Variants in DDX55 observed in about 807,000 individuals in gnomAD.
DDX55 encodes the protein ATP-dependent RNA helicase DDX55.
DDX55 carries 56 observed loss-of-function variants against 69.2 expected under a neutral mutation model. The observed-to-expected ratio is 0.81, with a 90% CI of 0.65 to 1.01. The LOEUF (loss-of-function observed/expected upper bound fraction) is 1.01. DDX55 is among the 50% of genes least tolerant of loss of function. The probability of loss-of-function intolerance (pLI) is 0.00; values close to 1 mark genes in which losing one functional copy is unlikely to be tolerated. For synonymous variants in DDX55, 268 were observed against 273.1 expected (o/e 0.98, Z 0.18); for missense variants, 720 against 745.1 (o/e 0.97, Z 0.39).
chr12:123,607,631 G>C lies in DDX55; in HGVS notation c.370G>C (p.Gly124Arg). 6.2e-7 allele frequency: 1 copy of C among 1,614,148 alleles called. No homozygotes were observed. The highest frequency in any genetic ancestry group is 8.5e-7 in the Non-Finnish European group (1 of 1,180,034). ...QILWIGGRNP[G>R]EDVERFKQQG... ...TCTTTGGATCGGAGGCAGGAATCCT[G>C]GAGAAGATGTTGAGAGGTTTAAGCA... Residue 124 changes from glycine to arginine, a missense_variant, in exon 5 of 14, where the codon GGA becomes CGA. By Grantham distance (125) the Gly-to-Arg change is moderately radical (BLOSUM62 -2). Transcript: ENST00000238146.
chr12:123,610,075 G>A lies in DDX55; in HGVS notation c.688G>A (p.Val230Met), dbSNP rs371757133. 135 of 1,614,090 alleles carry A rather than the reference G, an allele frequency of 8.4e-5. No homozygotes were observed. The highest frequency in any genetic ancestry group is 9.7e-5 in the Non-Finnish European group (115 of 1,180,058). ...PVRVSVKEKGVAASSAQKTPS... is the reference protein window; with the variant it reads ...PVRVSVKEKGMAASSAQKTPS... ...CCGGGTCTCAGTGAAGGAGAAGGGC[G>A]TGGCAGCCAGCAGTGCCCAGAAGAC... The change falls in exon 7 of 14, where the codon GTG becomes ATG. Residue 230 changes from valine to methionine, a missense_variant. Coordinates refer to ENST00000238146, the MANE Select transcript of DDX55 (RefSeq NM_020936.3).
chr12:123,602,358 C>T (rs1228078441), intron 1 of DDX55, 102 bp downstream of exon 1: 27 of 1,097,026 alleles, frequency 2.5e-5, no homozygotes, highest in African/African-American at 3.3e-5. Context: ...CCCTGGGGCG[C>T]TCATCCCTCC....
In DDX55 at chr12:123,602,238, G is replaced by A; in HGVS notation, c.90G>A (p.Pro30=). Residue 30 remains proline, a synonymous_variant, in exon 1 of 14, where the codon CCG becomes CCA. Coordinates refer to ENST00000238146, the MANE Select transcript of DDX55 (RefSeq NM_020936.3). ...GCGCGCTGCGGGAGCTGGGCTTCCC[G>A]TACATGACGCCGGTGCAGGTATCGG... is the stretch of plus-strand genomic sequence containing the variant. ...VLGALRELGF[P]YMTPVQSATI... The A allele has an allele frequency of 6.4e-7, 1 of 1,567,368 alleles. No individual in the cohort carries two copies. Among genetic ancestry groups the A allele is most frequent in the Non-Finnish European group, 8.6e-7 (1 of 1,159,108 alleles).
chr12:123,618,437 C>T (rs760390909), intron 11 of DDX55: 1 of 1,296,862 alleles, frequency 7.7e-7, no homozygotes, highest in East Asian at 2.5e-5. Flanking sequence ...CCAGTGTTGC[C>T]ATACTTTGCT....
At chr12:123,603,247 A>T (rs1281131206) in intron 1 of DDX55, among the ~76,000 whole-genome samples, 1 of 152,052 alleles carries the variant, frequency 6.6e-6, no homozygotes, top group East Asian at 1.9e-4. Context: ...TTAGGAGGCC[A>T]TTGTCAGGTA....
intron 7 of DDX55, among the ~76,000 whole-genome samples, chr12:123,611,126 C>T (rs1017775239): frequency 6.6e-6 from 1 of 151,828 alleles, no homozygotes; most frequent in African/African-American, 2.4e-5. Flanking sequence ...GTCTTGAACT[C>T]CTGACCTCAT....
chr12:123,615,377 A>G, intron 9 of DDX55, 61 bp downstream of exon 9: 5 of 1,595,958 alleles, frequency 3.1e-6, no homozygotes, highest in Non-Finnish European at 4.3e-6. Flanking sequence ...AGGTCCCCAA[A>G]TGCCCCATTC....
In DDX55 at chr12:123,606,176, T is replaced by C. The variant is rs1953879303; in HGVS notation, c.246+17T>C. The C allele has an allele frequency of 1.9e-6, 3 of 1,613,010 alleles. No individual in the cohort carries two copies. Among genetic ancestry groups the C allele is most frequent in the Non-Finnish European group, 2.5e-6 (3 of 1,179,726 alleles). On this transcript the variant is annotated intron_variant, in intron 3 of 13. Coordinates refer to ENST00000238146, the MANE Select transcript of DDX55 (RefSeq NM_020936.3). ...AAGAGTCAGGTGAGGACAACAAAAG[T>C]GATTTATTTTCACCTAGTCATCAGA...
chr12:123,618,755 G>A lies in DDX55; in HGVS notation c.1251G>A (p.Val417=). ...LKSMALADRA[V]FEKGMKAFVS... The stretch of plus-strand genomic sequence containing the variant: ...CCATGGCCCTGGCTGACAGAGCTGT[G>A]TTTGAAAAGGGCATGAAAGCTTTTG... The change falls in exon 12 of 14, where the codon GTG becomes GTA. Residue 417 remains valine (V), a synonymous_variant. Transcript: ENST00000238146. 6.2e-7 allele frequency: 1 copy of A among 1,614,178 alleles called. No homozygotes were observed. Among genetic ancestry groups the A allele is most frequent in the Non-Finnish European group, 8.5e-7 (1 of 1,180,036 alleles).
At chr12:123,612,795 T>C (rs1163986926) in intron 7 of DDX55, among the ~76,000 whole-genome samples, 1 of 148,694 alleles carries the variant, frequency 6.7e-6, no homozygotes, top group Non-Finnish European at 1.5e-5. Context: ...GATACCAGTC[T>C]GGGCAACATA....
At chr12:123,616,698 A>C in intron 10 of DDX55, 95 bp downstream of exon 10, 2 of 1,329,940 alleles carry the variant, frequency 1.5e-6, no homozygotes, top group Admixed American at 3.4e-5. Context: ...ATGTTCACTG[A>C]AACATTTTAT....
Position 123,613,271 on chromosome 12 carries a change from T to C in DDX55, c.824+19T>C. 1 of 1,612,476 alleles carries C rather than the reference T, an allele frequency of 6.2e-7. No individual in the cohort carries two copies. Among genetic ancestry groups the C allele is most frequent in the Non-Finnish European group, 8.5e-7 (1 of 1,178,628 alleles). ...TCTTCAGGTACTCCTCTGGTCTCTG[T>C]GGTAGAGGCATCAGGGATTCAGCCA... On this transcript the variant is annotated intron_variant, in intron 8 of 13. Coordinates refer to ENST00000238146, the MANE Select transcript of DDX55 (RefSeq NM_020936.3).
intron 6 of DDX55, among the ~76,000 whole-genome samples, chr12:123,609,444 G>A (rs1168008487): frequency 1.4e-5 from 2 of 146,256 alleles, no homozygotes; most frequent in Non-Finnish European, 3.0e-5. Flanking sequence ...GCATGATTTC[G>A]GGTCATTGCG....
rs779171387 is a variant in DDX55, at chr12:123,609,946, A to C, written c.559A>C (p.Thr187Pro). ...GAGCCCTCTTTTTATCAGCATCAAC[A>C]CCATTCTGGAGTTTTTGCCAAAGCA... is the stretch of plus-strand genomic sequence containing the variant. ...LDMGFEASIN[T>P]ILEFLPKQRR... is the part of the protein sequence containing the mutation. Residue 187 changes from threonine to proline, a missense_variant, in exon 7 of 14, where the codon ACC becomes CCC. Coordinates refer to ENST00000238146, the MANE Select transcript of DDX55 (RefSeq NM_020936.3). 3.7e-6 allele frequency: 6 copies of C among 1,613,300 alleles called. No individual in the cohort carries two copies. Among genetic ancestry groups the C allele is most frequent in the African/African-American group, 1.3e-5 (1 of 74,844 alleles).
Position 123,607,447 on chromosome 12 carries a change from A to G in DDX55, c.262A>G (p.Ile88Val). Reference sequence around the variant, plus strand: ...ATGTGGGTAGGTTGGAGCCATAATCATCACCCCCACTCGAGAGCTGGCCAT... The same window carrying G: ...ATGTGGGTAGGTTGGAGCCATAATCGTCACCCCCACTCGAGAGCTGGCCAT... ...LKKSQVGAII[I>V]TPTRELAIQI... is the part of the protein sequence containing the mutation. Residue 88 changes from isoleucine (I) to valine (V), a missense_variant, in exon 4 of 14, where the codon ATC becomes GTC. Transcript: ENST00000238146. 6.2e-7 allele frequency: 1 copy of G among 1,613,990 alleles called. No individual in the cohort carries two copies. The highest frequency in any genetic ancestry group is 1.1e-5 in the South Asian group (1 of 91,068).
chr12:123,614,084 T>C (rs1238111156), intron 8 of DDX55, among the ~76,000 whole-genome samples: 1 of 152,196 alleles, frequency 6.6e-6, no homozygotes, highest in African/African-American at 2.4e-5. Flanking sequence ...CAGTAAGAAG[T>C]ACAATTTGGT....
chr12:123,616,628 T>C (rs1255209291), intron 10 of DDX55, 25 bp downstream of exon 10: 1 of 1,604,864 alleles, frequency 6.2e-7, no homozygotes, highest in East Asian at 2.2e-5. Flanking sequence ...TGCCACCCAC[T>C]CTCTGTTGAG....
rs202175813 is a variant in DDX55 at position 123,608,848 on chromosome 12, C to T, written c.551+19C>T. On this transcript the variant is annotated intron_variant, in intron 6 of 13. Transcript: ENST00000238146. ...AGGCAAGGTACTGGACTTTGGACTT[C>T]ACTGGCTTGAGTGGGCAGATGATAC... The T allele has an allele frequency of 1.2e-6, 2 of 1,606,704 alleles. No homozygotes were observed. Among genetic ancestry groups the T allele is most frequent in the East Asian group, 2.2e-5 (1 of 44,758 alleles).
In DDX55 at chr12:123,620,131, TG is replaced by T. The variant is rs1390155247; in HGVS notation, c.1795del (p.Asp599ThrfsTer14). 3.1e-6 allele frequency: 5 copies of T among 1,613,688 alleles called. No individual in the cohort carries two copies. Among genetic ancestry groups the T allele is most frequent in the Non-Finnish European group, 4.2e-6 (5 of 1,179,822 alleles). On this transcript the variant is annotated frameshift_variant, in exon 14 of 14. Transcript: ENST00000238146. LOFTEE classifies it high-confidence loss of function. ...ATTTAGGGATCTCAGATTTGGAAGA[TG>T]ACTGCTGATTCCAGTGCCACAGATG... ...VDLGISDLED[D>X]C
Sources: gnomAD v4.1 joint callset for allele counts (sites outside exome capture counted in the v4.1 genomes callset) on GRCh38, gnomAD v4.1.1 for gene constraint, MANE v1.5 for transcripts, NCBI Gene and HGNC (gene_info 2026-07-23, HGNC 2026-07-21) for gene names.